Variants in KDM1B observed in about 807,000 individuals in gnomAD.
KDM1B encodes lysine demethylase 1B.
In KDM1B, 63 loss-of-function variants were observed where a neutral mutation model predicts 107.4. The observed-to-expected ratio is 0.59, with a 90% CI of 0.48 to 0.72. KDM1B has a LOEUF of 0.72. KDM1B is among the 30% of genes least tolerant of loss of function. The pLI is 0.00. For missense variants in KDM1B, 749 were observed against 1,020.8 expected, an observed-to-expected ratio of 0.73 and a Z score of 3.63; for synonymous variants, 363 against 363.9, an observed-to-expected ratio of 1.00 and a Z score of 0.03.
At position 18,212,280 on chromosome 6, in the gene KDM1B, C is replaced by T; in HGVS notation, c.1867-208C>T. ...CTTCTTATCTAAGATGATTATTCAC[C>T]ATCAGGACGTTTTTTGCCCACTCTT... On this transcript the variant is annotated intron_variant, in intron 17 of 21. Transcript: ENST00000650836. This position sits in a 1 kb window ranked among gnomAD's most constrained non-coding sequence, Gnocchi z 5.2. 1.7e-6 allele frequency: 1 copy of T among 587,090 alleles called. No homozygotes were observed. Among genetic ancestry groups the T allele is most frequent in the South Asian group, 1.9e-5 (1 of 51,522 alleles). 36.4% of individuals were successfully genotyped at this position (587,090 alleles called of 1,614,324 possible).
intron 10 of KDM1B, among the ~76,000 whole-genome samples, chr6:18,196,797 G>A (rs214622): frequency 0.15 from 22,573 of 152,042 alleles, 2,131 homozygotes; most frequent in African/African-American, 0.26. Context: ...TGGAGTCTGC[G>A]TAGATTATAT....
At chr6:18,165,748 G>A (rs1466042949) in intron 5 of KDM1B, among the ~76,000 whole-genome samples, 1 of 152,220 alleles carries the variant, frequency 6.6e-6, no homozygotes, top group Non-Finnish European at 1.5e-5. Context: ...CTTGAACCCA[G>A]GAGGTGGAGG....
intron 10 of KDM1B, among the ~76,000 whole-genome samples, chr6:18,195,119 C>T (rs542529539): frequency 5.3e-4 from 80 of 152,186 alleles, no homozygotes; most frequent in Non-Finnish European, 9.3e-4. Context: ...CACGTCAGAA[C>T]TTCACTCACT....
intron 21 of KDM1B, among the ~76,000 whole-genome samples, chr6:18,220,858 G>A (rs573284824): frequency 2.1e-4 from 32 of 150,892 alleles, no homozygotes; most frequent in African/African-American, 7.1e-4. Flanking sequence ...TGCAACCTCC[G>A]CCACCTGCGT....
chr6:18,168,510 A>C (rs780265489), intron 6 of KDM1B, among the ~76,000 whole-genome samples: 1 of 152,188 alleles, frequency 6.6e-6, no homozygotes, highest in South Asian at 2.1e-4. Context: ...GCATTCATCT[A>C]TTGATGGACA....
At chr6:18,193,589 A>G (rs568459354) in intron 10 of KDM1B, among the ~76,000 whole-genome samples, 2 of 152,178 alleles carry the variant, frequency 1.3e-5, no homozygotes, top group African/African-American at 2.4e-5. Flanking sequence ...GGCATGAGCC[A>G]CCACACCTGG....
rs1785055106 is a variant in KDM1B at position 18,162,874 on chromosome 6, C to T, written c.255C>T (p.Leu85=). 1 of 1,612,452 alleles carries T rather than the reference C, an allele frequency of 6.2e-7. No homozygotes were observed. The highest frequency in any genetic ancestry group is 8.5e-7 in the Non-Finnish European group (1 of 1,178,594). The part of the protein sequence containing the change: ...KNGYTSRWYH[L]SCGEHFCNEC... ...GCTACACCTCCCGATGGTATCATCT[C>T]TCCTGTGGGGAACATTTCTGTAATG... Residue 85 remains leucine, a synonymous_variant, in exon 5 of 22, where the codon CTC becomes CTT. Coordinates refer to ENST00000650836, the MANE Select transcript of KDM1B (RefSeq NM_001364614.2). The surrounding 1 kb of genome is among the most constrained non-coding windows in gnomAD (Gnocchi z 4.1).
chr6:18,208,309 G>C (rs1244951309), intron 17 of KDM1B, 103 bp downstream of exon 17: 6 of 789,278 alleles, frequency 7.6e-6, no homozygotes, highest in Non-Finnish European at 1.1e-5. Flanking sequence ...TTGGGAATCT[G>C]CCTGGACCCT....
At position 18,159,149 on chromosome 6, in the gene KDM1B, G is replaced by A. The variant is rs1784812988; in HGVS notation, c.-13-734G>A. On this transcript the variant is annotated intron_variant, in intron 2 of 21. Transcript: ENST00000650836. The surrounding 1 kb of genome is among the most constrained non-coding windows in gnomAD (Gnocchi z 4.5). ...TGCCTGGCTAATTTTTGTATTTTTA[G>A]TACAGACGGGGTTTCACAATGTTGG... Among the ~76,000 whole-genome samples, 3 of 152,038 alleles carry A rather than the reference G, an allele frequency of 2.0e-5. No homozygotes were observed. The highest frequency in any genetic ancestry group is 1.3e-4 in the Admixed American group (2 of 15,236).
intron 7 of KDM1B, among the ~76,000 whole-genome samples, chr6:18,184,273 C>CTTCTTTTTTTTTTTTTTTT (rs1554144142): frequency 5.7e-4 from 67 of 116,640 alleles, no homozygotes; most frequent in Non-Finnish European, 1.1e-3. Flanking sequence ...GTTCTAGCTT[C>CTTCTTTTTTTTTTTTTTTT]TTTTTTTTTT....
rs765380908 is a variant in KDM1B, at chr6:18,214,547, G to A, written c.2110-460G>A. On this transcript the variant is annotated intron_variant, in intron 19 of 21. Transcript: ENST00000650836. This position sits in a 1 kb window ranked among gnomAD's most constrained non-coding sequence, Gnocchi z 4.4. ...GGATGGATGAATAATGAGTGTTTGCGAGGAAAATGGACTGGCGAGTGACGT... is the reference window on the plus strand; with the variant it reads ...GGATGGATGAATAATGAGTGTTTGCAAGGAAAATGGACTGGCGAGTGACGT... Among the ~76,000 whole-genome samples, 10 of 152,164 alleles carry A rather than the reference G, an allele frequency of 6.6e-5. No homozygotes were observed. Among genetic ancestry groups the A allele is most frequent in the African/African-American group, 1.7e-4 (7 of 41,420 alleles).
chr6:18,216,577 T>C (rs1408305586), intron 20 of KDM1B, among the ~76,000 whole-genome samples: 1 of 152,208 alleles, frequency 6.6e-6, no homozygotes, highest in Non-Finnish European at 1.5e-5. Context: ...AGGCTTTGCT[T>C]TCATGGTTTC....
In KDM1B at chr6:18,213,617, G is replaced by A. The variant is rs376500754; in HGVS notation, c.1984-39G>A. ...TAGATATTGCCTGTGGTTTTGTGAC[G>A]ACAGACACCTAACCACCTTTCTTCT... is the stretch of plus-strand genomic sequence containing the variant. On this transcript the variant is annotated intron_variant, in intron 18 of 21. Transcript: ENST00000650836. The surrounding 1 kb of genome is among the most constrained non-coding windows in gnomAD (Gnocchi z 5.9). 5.0e-6 allele frequency: 8 copies of A among 1,610,914 alleles called. No individual in the cohort carries two copies. The highest frequency in any genetic ancestry group is 2.2e-5 in the East Asian group (1 of 44,816).
intron 6 of KDM1B, 138 bp from the exon 7 acceptor site, chr6:18,171,225 G>A (rs1785643412): frequency 4.5e-6 from 3 of 668,324 alleles, no homozygotes; most frequent in Admixed American, 4.5e-5. Context: ...TGAATTATAT[G>A]GATGATGGTA....
At chr6:18,208,349 T>G in intron 17 of KDM1B, 143 bp downstream of exon 17, 5 of 598,086 alleles carry the variant, frequency 8.4e-6, no homozygotes, top group Non-Finnish European at 1.5e-5. Context: ...TATGTATCTC[T>G]ACTTAATTGT....
At chr6:18,193,473 A>AT (rs201031871) in intron 10 of KDM1B, among the ~76,000 whole-genome samples, 17,070 of 145,540 alleles carry the variant, frequency 0.12, 1,061 homozygotes, top group South Asian at 0.23. Context: ...TGCCCAGCTA[A>AT]TTTTTTTTTT....
chr6:18,206,971 C>T (rs1237343931), intron 15 of KDM1B, among the ~76,000 whole-genome samples: 1 of 152,178 alleles, frequency 6.6e-6, no homozygotes, highest in Non-Finnish European at 1.5e-5. Context: ...TTTGGGACCT[C>T]TCCATTTCCA....
At chr6:18,220,920 TA>T (rs1561962664) in intron 21 of KDM1B, among the ~76,000 whole-genome samples, 1 of 152,060 alleles carries the variant, frequency 6.6e-6, no homozygotes, top group African/African-American at 2.4e-5. Flanking sequence ...GCTAATTTTT[TA>T]TTTTTTTTTA....
At chr6:18,199,993 C>G (rs1393022713) in intron 12 of KDM1B, among the ~76,000 whole-genome samples, 2 of 152,160 alleles carry the variant, frequency 1.3e-5, no homozygotes, top group African/African-American at 4.8e-5. Flanking sequence ...ATTCTCGTGC[C>G]TCAGCCACCT....
Sources: gnomAD v4.1 joint callset for allele counts (sites outside exome capture counted in the v4.1 genomes callset) on GRCh38, gnomAD v4.1.1 for gene constraint, Gnocchi (gnomAD v3.1) non-coding constraint, MANE v1.5 for transcripts, NCBI Gene and HGNC (gene_info 2026-07-23, HGNC 2026-07-21) for gene names.